Variants in PTPRD observed in about 807,000 individuals in gnomAD.
PTPRD encodes protein tyrosine phosphatase receptor type D.
Under a neutral mutation model 214.5 loss-of-function variants are expected in PTPRD, and 34 were observed. The observed-to-expected ratio is 0.16, with a 90% confidence interval of 0.12 to 0.21. The LOEUF (loss-of-function observed/expected upper bound fraction) is 0.21, where lower values mean the gene tolerates loss of function less well. PTPRD is among the 10% of genes least tolerant of loss of function. The pLI is 1.00. For missense variants in PTPRD, 2,545 were observed against 2,398.7 expected (o/e 1.06, Z -1.27); for synonymous variants, 1,128 against 845.7 (o/e 1.33, Z -5.79).
intron 30 of PTPRD, 118 bp from the exon 31 acceptor site, chr9:8,471,203 T>C: frequency 1.3e-6 from 1 of 757,276 alleles, no homozygotes; most frequent in Non-Finnish European, 2.3e-6. Flanking sequence ...TGGGGTGACT[T>C]GTCCATTTCT....
At chr9:9,696,118 T>C (rs1393905361) in intron 7 of PTPRD, among the ~76,000 whole-genome samples, 1 of 152,150 alleles carries the variant, frequency 6.6e-6, no homozygotes, top group Non-Finnish European at 1.5e-5. Context: ...ATTCATCCTT[T>C]AGTAAGTTAT....
At chr9:10,066,806 G>A (rs1486338965) in intron 3 of PTPRD, among the ~76,000 whole-genome samples, 4 of 151,816 alleles carry the variant, frequency 2.6e-5, no homozygotes, top group Non-Finnish European at 5.9e-5. Flanking sequence ...CTGGATTGTT[G>A]CTGGTTTCAA....
At chr9:9,271,624 C>T (rs1021321643) in intron 9 of PTPRD, among the ~76,000 whole-genome samples, 5 of 151,358 alleles carry the variant, frequency 3.3e-5, no homozygotes, top group African/African-American at 9.7e-5. Context: ...AAGCCTGTTG[C>T]TATGCAACTC....
chr9:10,598,483 C>T (rs2077117608), intron 2 of PTPRD, among the ~76,000 whole-genome samples: 1 of 151,592 alleles, frequency 6.6e-6, no homozygotes. Flanking sequence ...TTATTCTGTG[C>T]AGAAAATAAA....
At chr9:8,632,261 C>T (rs2096277671) in intron 14 of PTPRD, among the ~76,000 whole-genome samples, 1 of 151,542 alleles carries the variant, frequency 6.6e-6, no homozygotes, top group South Asian at 2.1e-4. Flanking sequence ...GGGCTTACCT[C>T]CTTGAAAGAA....
chr9:9,114,344 A>G (rs867814469), intron 10 of PTPRD, among the ~76,000 whole-genome samples: 1 of 152,168 alleles, frequency 6.6e-6, no homozygotes, highest in African/African-American at 2.4e-5. Context: ...TTGTAAAATG[A>G]TAAGAATCGT....
At chr9:8,798,054 G>A (rs2096484741) in intron 11 of PTPRD, among the ~76,000 whole-genome samples, 1 of 152,002 alleles carries the variant, frequency 6.6e-6, no homozygotes, top group South Asian at 2.1e-4. Context: ...TCTTATGCTG[G>A]TCTTACGTGG....
chr9:10,285,565 C>T (rs1486767389), intron 3 of PTPRD, among the ~76,000 whole-genome samples: 2 of 149,754 alleles, frequency 1.3e-5, no homozygotes, highest in African/African-American at 2.5e-5. Flanking sequence ...TAACCAGTTA[C>T]ATGACACTGG....
intron 9 of PTPRD, among the ~76,000 whole-genome samples, chr9:9,264,575 C>G (rs2132337104): frequency 6.6e-6 from 1 of 150,964 alleles, no homozygotes; most frequent in East Asian, 2.0e-4. Flanking sequence ...TCTTAGGAGT[C>G]CAAAAAGGAG....
chr9:9,747,137 C>T (rs957080928), intron 6 of PTPRD, among the ~76,000 whole-genome samples: 1 of 152,062 alleles, frequency 6.6e-6, no homozygotes, highest in African/African-American at 2.4e-5. Flanking sequence ...TAAAAGAATA[C>T]AAGTTTTTCA....
At chr9:9,184,620 G>A (rs1322793174) in intron 9 of PTPRD, among the ~76,000 whole-genome samples, 1 of 151,982 alleles carries the variant, frequency 6.6e-6, no homozygotes, top group Non-Finnish European at 1.5e-5. Context: ...TCTTCTTTAA[G>A]CCATTAAAAG....
chr9:8,373,612 GGTGTGTGTGTGTGTGT>G (rs36212158), intron 39 of PTPRD, among the ~76,000 whole-genome samples: 13,415 of 141,170 alleles, frequency 0.095, 672 homozygotes, highest in Middle Eastern at 0.16. Flanking sequence ...CATGGATGCG[GGTGTGTGTGTGTGTGT>G]GTGTGTGTGT....
At chr9:8,540,044 T>G (rs2078005107) in intron 14 of PTPRD, among the ~76,000 whole-genome samples, 1 of 152,148 alleles carries the variant, frequency 6.6e-6, no homozygotes, top group South Asian at 2.1e-4. Context: ...TATTTGGGAA[T>G]GACAGGCAAG....
At chr9:8,833,200 T>C (rs989517210) in intron 11 of PTPRD, among the ~76,000 whole-genome samples, 3 of 152,140 alleles carry the variant, frequency 2.0e-5, no homozygotes, top group African/African-American at 7.2e-5. Flanking sequence ...ACTCATTGTA[T>C]AGGAAGACCT....
At chr9:9,445,466 G>A (rs540106161) in intron 8 of PTPRD, among the ~76,000 whole-genome samples, 1 of 152,142 alleles carries the variant, frequency 6.6e-6, no homozygotes, top group South Asian at 2.1e-4. Flanking sequence ...AGAACTGCTC[G>A]GGACTGGATA....
At chr9:10,132,351 T>TA (rs1393978637) in intron 3 of PTPRD, among the ~76,000 whole-genome samples, 2 of 151,782 alleles carry the variant, frequency 1.3e-5, no homozygotes, top group Admixed American at 6.6e-5. Context: ...GAATGTAATT[T>TA]AAAAAAAACT....
chr9:10,605,329 A>G (rs1419593364), intron 2 of PTPRD, among the ~76,000 whole-genome samples: 1 of 151,862 alleles, frequency 6.6e-6, no homozygotes, highest in African/African-American at 2.4e-5. Context: ...ATGAATTTGG[A>G]AATATAAGGG....
chr9:8,473,574 A>T (rs1411247087), intron 30 of PTPRD, among the ~76,000 whole-genome samples: 2 of 152,194 alleles, frequency 1.3e-5, no homozygotes, highest in Non-Finnish European at 2.9e-5. Flanking sequence ...ACTGCATATT[A>T]TCAGAGTGCT....
At chr9:9,815,296 T>A (rs2048406918) in intron 5 of PTPRD, among the ~76,000 whole-genome samples, 1 of 152,078 alleles carries the variant, frequency 6.6e-6, no homozygotes, top group Admixed American at 6.6e-5. Context: ...AAATGGTGCC[T>A]GGAAAACTGG....
Sources: gnomAD v4.1 joint callset for allele counts (sites outside exome capture counted in the v4.1 genomes callset) on GRCh38, gnomAD v4.1.1 for gene constraint, MANE v1.5 for transcripts, NCBI Gene and HGNC (gene_info 2026-07-23, HGNC 2026-07-21) for gene names.